APLP1: variants seen among roughly 807,000 people sequenced by gnomAD.
APLP1 encodes amyloid beta (A4) precursor-like protein 1.
APLP1 carries 46 observed loss-of-function variants against 84.5 expected under a neutral mutation model. The ratio of observed to expected loss-of-function variants is 0.54; its 90% CI spans 0.43 to 0.70. APLP1 has a LOEUF of 0.70. Among genes scored for constraint, APLP1 ranks in the 30% least tolerant of loss-of-function variants. APLP1 has a pLI of 0.00. For missense variants in APLP1, 826 were observed against 900.2 expected (o/e 0.92, Z 1.05); for synonymous variants, 376 against 364.0 (o/e 1.03, Z -0.38).
At chr19:35,869,123 A>G (rs1310114301) in intron 1 of APLP1, 5 of 296,414 alleles carry the variant, frequency 1.7e-5, no homozygotes, top group Non-Finnish European at 3.1e-5. Context: ...CCAATAATCC[A>G]GACCCCTTGT....
chr19:35,876,549 G>A lies in APLP1; in HGVS notation c.1377G>A (p.Arg459=), dbSNP rs1465399210. The change falls in exon 11 of 17, where the codon AGG becomes AGA. Residue 459 remains arginine (R), a synonymous_variant. Transcript: ENST00000221891. ...VHTHLQVIEE[R]VNQSLGLLDQ... ...CCCACCTTCAAGTGATTGAGGAGAG[G>A]GTGAATCAGAGCCTGGGCCTGCTTG... The A allele has an allele frequency of 5.0e-6, 8 of 1,613,848 alleles. No individual in the cohort carries two copies. In the East Asian group the frequency reaches 1.8e-4, roughly 36 times the overall value.
rs753027418 is a variant in APLP1 at position 35,869,830 on chromosome 19, A to G, written c.291+20A>G. 1.3e-5 allele frequency: 20 copies of G among 1,570,812 alleles called. 1 individual carries two copies. In the South Asian group the frequency reaches 2.0e-4, roughly 15 times the overall value. On this transcript the variant is annotated intron_variant, in intron 2 of 16. Transcript: ENST00000221891. ...AGACAGGTGGGCGGGGCCGAACGGG[A>G]GAGGCGGGGCCGCCCATAGAAAGCT...
chr19:35,870,901 C>T lies in APLP1; in HGVS notation c.297C>T (p.Tyr99=). 4.4e-6 allele frequency: 7 copies of T among 1,604,412 alleles called. No individual in the cohort carries two copies. Among genetic ancestry groups the T allele is most frequent in the Non-Finnish European group, 5.9e-6 (7 of 1,176,470 alleles). The change falls in exon 3 of 17, where the codon TAC becomes TAT. Residue 99 remains tyrosine (Y), a synonymous_variant. Transcript: ENST00000221891. ...QRVLEYCRQM[Y]PELQIARVEQ... ...CCCCCATCTGATCCCCCCAGATGTA[C>T]CCGGAGCTGCAGATTGCACGTGTGG...
intron 3 of APLP1, 36 bp downstream of exon 3, chr19:35,871,064 G>A (rs753362820): frequency 1.2e-5 from 18 of 1,501,136 alleles, no homozygotes; most frequent in Middle Eastern, 2.4e-4. Flanking sequence ...ACTGAGGTGG[G>A]AGTTTCTGAG....
chr19:35,876,641 C>T (rs1170475307), intron 11 of APLP1, 25 bp downstream of exon 11: 1 of 1,562,356 alleles, frequency 6.4e-7, no homozygotes. Flanking sequence ...CCCTGGCTCC[C>T]ATTACAGATC....
At position 35,876,609 on chromosome 19, in the gene APLP1, C is replaced by G. The variant is rs774284677; in HGVS notation, c.1437C>G (p.Pro479=). The G allele has an allele frequency of 5.0e-6, 8 of 1,611,220 alleles. No homozygotes were observed. The South Asian group carries it at 7.7e-5, about 16-fold the overall frequency. ...CCCACCTGGCTCAGGAGCTGCGGCC[C>G]CAAATCCGTGAGTGTCTATTACCCT... ...QNPHLAQELR[P]QIQELLHSEH... is the part of the protein sequence containing the mutation. Residue 479 remains proline (P), a synonymous_variant, in exon 11 of 17, where the codon CCC becomes CCG. Transcript: ENST00000221891.
Position 35,875,716 on chromosome 19 carries a change from C to T in APLP1, c.1345-801C>T, listed in dbSNP as rs151166255. 4.5e-3 allele frequency among the ~76,000 whole-genome samples: 692 copies of T among 152,294 alleles called. 12 individuals are homozygous for T. The East Asian group carries it at 0.072, about 16-fold the overall frequency. ...CCTCAGGTGATCTGCCTGCCTTGGC[C>T]TCCCAAAGTGCTGGGATTACAGGCG... On this transcript the variant is annotated intron_variant, in intron 10 of 16. Transcript: ENST00000221891.
chr19:35,877,931 G>A (rs1350668085), intron 12 of APLP1, 106 bp downstream of exon 12: 5 of 1,292,076 alleles, frequency 3.9e-6, no homozygotes, highest in Admixed American at 2.2e-5. Flanking sequence ...CAGTGACTGG[G>A]AGAGGATGAG....
In APLP1 at chr19:35,868,830, G is replaced by T. The variant is rs1974058521; in HGVS notation, c.147+47G>T. ...GGGGATGGGGGAAGGGGCGGGACCGGGTCTCTGGACGCCGGCGCGGACATG... is the reference window on the plus strand; with the variant it reads ...GGGGATGGGGGAAGGGGCGGGACCGTGTCTCTGGACGCCGGCGCGGACATG... On this transcript the variant is annotated intron_variant, in intron 1 of 16. Coordinates refer to ENST00000221891, the MANE Select transcript of APLP1 (RefSeq NM_001024807.3). This position sits in a 1 kb window ranked among gnomAD's most constrained non-coding sequence, Gnocchi z 5.2. 1 of 1,258,800 alleles carries T rather than the reference G, an allele frequency of 7.9e-7. No homozygotes were observed. Among genetic ancestry groups the T allele is most frequent in the South Asian group, 2.7e-5 (1 of 37,288 alleles). 78.0% of individuals were successfully genotyped at this position (1,258,800 alleles called of 1,614,324 possible). A position where few individuals can be genotyped will look rare whatever the true frequency, so the allele number is the denominator to read the frequency against.
chr19:35,872,619 A>C lies in APLP1; in HGVS notation c.981+6A>C. 6.2e-7 allele frequency: 1 copy of C among 1,611,566 alleles called. No homozygotes were observed. The highest frequency in any genetic ancestry group is 8.5e-7 in the Non-Finnish European group (1 of 1,178,588). On this transcript the variant is annotated splice_donor_region_variant and intron_variant, in intron 7 of 16. Transcript: ENST00000221891. ...GGATGCGCCAGATTAATGAGGTGAT[A>C]ATACTGGGGGCCCCAGGACCCCCTA... is the stretch of plus-strand genomic sequence containing the variant.
Position 35,870,726 on chromosome 19 carries a change from G to A in APLP1, c.292-170G>A, listed in dbSNP as rs367942456. On this transcript the variant is annotated intron_variant, in intron 2 of 16. Coordinates refer to ENST00000221891, the MANE Select transcript of APLP1 (RefSeq NM_001024807.3). ...TTGAACCTGGGAGGAGGAGGTTGCA[G>A]TGAGCCGAGATTGTACCATTCCACT... 4.6e-5 allele frequency: 42 copies of A among 915,412 alleles called. No homozygotes were observed. In the African/African-American group the frequency reaches 6.7e-4, roughly 15 times the overall value. 56.7% of individuals were successfully genotyped at this position (915,412 alleles called of 1,614,324 possible). A position where few individuals can be genotyped will look rare whatever the true frequency, so the allele number is the denominator to read the frequency against.
Position 35,871,925 on chromosome 19 carries a change from G to A in APLP1, c.739G>A (p.Glu247Lys). Residue 247 changes from glutamate (E) to lysine (K), a missense_variant, in exon 6 of 17, where the codon GAA (glutamate) becomes AAA (lysine). Physicochemically the swap from Glu to Lys is moderately conservative, Grantham distance 56. Coordinates refer to ENST00000221891, the MANE Select transcript of APLP1 (RefSeq NM_001024807.3). ...VEGAEDEEEEESFPQPVDDYF... is the reference protein window; with the variant it reads ...VEGAEDEEEEKSFPQPVDDYF... ...GGGGGCTGAGGACGAGGAAGAGGAG[G>A]AATCCTTCCCACAGCCAGTAGATGA... The A allele has an allele frequency of 3.1e-6, 5 of 1,614,168 alleles. No homozygotes were observed. Among genetic ancestry groups the A allele is most frequent in the Non-Finnish European group, 4.2e-6 (5 of 1,180,022 alleles).
In APLP1 at chr19:35,869,706, C is replaced by T. The variant is rs1359068054; in HGVS notation, c.187C>T (p.Leu63=). Residue 63 remains leucine (L), a synonymous_variant, in exon 2 of 17, where the codon CTA becomes TTA. Coordinates refer to ENST00000221891, the MANE Select transcript of APLP1 (RefSeq NM_001024807.3). ...CCAGGTGGCTGGACTATGCGGGCGC[C>T]TAACCCTTCACCGGGACCTGCGCAC... ...SAQVAGLCGR[L]TLHRDLRTGR... 6.2e-7 allele frequency: 1 copy of T among 1,612,182 alleles called. No homozygotes were observed. Among genetic ancestry groups the T allele is most frequent in the South Asian group, 1.1e-5 (1 of 90,936 alleles).
rs1340873796 is a variant in APLP1, at chr19:35,878,677, C to A, written c.1650+23C>A. The A allele has an allele frequency of 3.1e-6, 5 of 1,613,580 alleles. No homozygotes were observed. The South Asian group carries it at 4.4e-5, about 14-fold the overall frequency. On this transcript the variant is annotated intron_variant, in intron 14 of 16. Transcript: ENST00000221891. Reference sequence around the variant, plus strand: ...AAGGTAAGTTAGTCAGAACTGTGGGCTCCCTAAGGGGAACAAGATCGGGGC... The same window carrying A: ...AAGGTAAGTTAGTCAGAACTGTGGGATCCCTAAGGGGAACAAGATCGGGGC...
At position 35,869,744 on chromosome 19, in the gene APLP1, A is replaced by G. The variant is rs11551003; in HGVS notation, c.225A>G (p.Glu75=). 1 of 1,610,156 alleles carries G rather than the reference A, an allele frequency of 6.2e-7. No homozygotes were observed. The highest frequency in any genetic ancestry group is 8.5e-7 in the Non-Finnish European group (1 of 1,179,070). ...GGGACCTGCGCACCGGCCGCTGGGA[A>G]CCAGACCCACAGCGCTCTCGACGCT... ...LHRDLRTGRW[E]PDPQRSRRCL... The change falls in exon 2 of 17, where the codon GAA becomes GAG. Residue 75 remains glutamate, a synonymous_variant. Transcript: ENST00000221891.
intron 5 of APLP1, 24 bp downstream of exon 5, chr19:35,871,769 G>C: frequency 6.2e-7 from 1 of 1,613,926 alleles, no homozygotes. Context: ...AACCCTCCAT[G>C]CCCATCTCAA....
intron 10 of APLP1, among the ~76,000 whole-genome samples, chr19:35,875,963 C>T (rs747677112): frequency 6.6e-6 from 1 of 150,910 alleles, no homozygotes; most frequent in Non-Finnish European, 1.5e-5. Context: ...TTAGCAGAGA[C>T]AGGGTTTTGC....
rs748786270 is a variant in APLP1 at position 35,878,598 on chromosome 19, G to A, written c.1594G>A (p.Asp532Asn). The A allele has an allele frequency of 6.2e-7, 1 of 1,614,016 alleles. No homozygotes were observed. The highest frequency in any genetic ancestry group is 1.1e-5 in the South Asian group (1 of 91,076). Residue 532 changes from aspartate to asparagine, a missense_variant, in exon 14 of 17, where the codon GAT becomes AAT. This residue lies in a region of APLP1 where 433 missense variants were observed against 496.5 expected (regional missense o/e 0.87). Coordinates refer to ENST00000221891, the MANE Select transcript of APLP1 (RefSeq NM_001024807.3). The stretch of plus-strand genomic sequence containing the variant: ...CTTGGGGGTAGGGTCCACAGAACAA[G>A]ATGCTGCATCCCCTGAGAAAGAGAA... ...MTLPKGSTEQ[D>N]AASPEKEKMN...
chr19:35,874,055 C>T lies in APLP1; in HGVS notation c.1056+342C>T, dbSNP rs978148709. On this transcript the variant is annotated intron_variant, in intron 8 of 16. Transcript: ENST00000221891. This position sits in a 1 kb window ranked among gnomAD's most constrained non-coding sequence, Gnocchi z 6.4. ...TTTATGTCTCTATCAGGCCCCGCCC[C>T]CTGATTCTGGCTCTGCTGGGCCAAT... 6.6e-6 allele frequency among the ~76,000 whole-genome samples: 1 copy of T among 152,198 alleles called. No individual in the cohort carries two copies. Among genetic ancestry groups the T allele is most frequent in the Admixed American group, 6.5e-5 (1 of 15,276 alleles).
Sources: gnomAD v4.1 joint callset for allele counts (sites outside exome capture counted in the v4.1 genomes callset) on GRCh38, gnomAD v4.1.1 for gene constraint, gnomAD v4.1.1 regional missense constraint, Gnocchi (gnomAD v3.1) non-coding constraint, MANE v1.5 for transcripts, NCBI Gene and HGNC (gene_info 2026-07-23, HGNC 2026-07-21) for gene names.